Variants in MCTP1 observed in about 807,000 individuals in gnomAD.
The protein encoded by MCTP1 is multiple C2 and transmembrane domain-containing protein 1.
In MCTP1, 69 loss-of-function variants were observed where a neutral mutation model predicts 120.6. That is an observed-to-expected ratio of 0.57 (90% CI 0.47 to 0.70). The LOEUF (loss-of-function observed/expected upper bound fraction) is 0.70. MCTP1 is among the 30% of genes least tolerant of loss of function. The pLI is 0.00. For missense variants in MCTP1, 1,203 were observed against 1,248.8 expected (o/e 0.96, Z 0.55); for synonymous variants, 529 against 493.1 (o/e 1.07, Z -0.96).
intron 1 of MCTP1, among the ~76,000 whole-genome samples, chr5:95,099,019 G>A (rs1318681039): frequency 6.6e-6 from 1 of 151,766 alleles, no homozygotes; most frequent in Non-Finnish European, 1.5e-5. Flanking sequence ...CAAGCAATGG[G>A]GAAAGGATTC....
At chr5:94,819,832 C>T (rs537859717) in intron 17 of MCTP1, among the ~76,000 whole-genome samples, 8 of 152,148 alleles carry the variant, frequency 5.3e-5, no homozygotes, top group Non-Finnish European at 1.2e-4. Context: ...ACAAACAATA[C>T]GTTTTCAGAT....
intron 1 of MCTP1, among the ~76,000 whole-genome samples, chr5:95,103,459 G>A (rs72779439): frequency 0.051 from 7,789 of 152,254 alleles, 222 homozygotes; most frequent in Middle Eastern, 0.075. Flanking sequence ...GGATAGGACT[G>A]TGATAGATGA....
chr5:95,097,698 G>A (rs2152357419), intron 1 of MCTP1, among the ~76,000 whole-genome samples: 1 of 152,310 alleles, frequency 6.6e-6, no homozygotes, highest in East Asian at 1.9e-4. Context: ...CACCTGTCAA[G>A]AGCTTGTTCC....
intron 8 of MCTP1, 56 bp downstream of exon 8, chr5:94,917,840 A>G: frequency 7.0e-7 from 1 of 1,432,816 alleles, no homozygotes; most frequent in South Asian, 1.2e-5. Flanking sequence ...GGCTCTCAGA[A>G]ATCCCAGCTC....
At chr5:95,187,452 T>G (rs1389021523) in intron 1 of MCTP1, among the ~76,000 whole-genome samples, 3 of 152,114 alleles carry the variant, frequency 2.0e-5, no homozygotes, top group African/African-American at 7.2e-5. Context: ...CAGGATGGAG[T>G]GCGGTGGTGT....
At chr5:94,812,982 G>A (rs936250299) in intron 17 of MCTP1, among the ~76,000 whole-genome samples, 1 of 151,092 alleles carries the variant, frequency 6.6e-6, no homozygotes, top group Non-Finnish European at 1.5e-5. Flanking sequence ...TAAAAATTTG[G>A]CCTCATTAAA....
intron 1 of MCTP1, among the ~76,000 whole-genome samples, chr5:95,270,791 G>A (rs1438816577): frequency 6.6e-6 from 1 of 152,178 alleles, no homozygotes; most frequent in Non-Finnish European, 1.5e-5. Context: ...GTAGCCAGGT[G>A]TGATGGCAGG....
At chr5:94,983,669 AT>A (rs1561969091) in intron 2 of MCTP1, among the ~76,000 whole-genome samples, 1 of 7,696 alleles carries the variant, frequency 1.3e-4, no homozygotes, top group Non-Finnish European at 2.8e-4. Context: ...CTGTCTGTCA[AT>A]CTATCTATCT....
At chr5:95,145,292 T>G (rs920553581) in intron 1 of MCTP1, among the ~76,000 whole-genome samples, 1 of 152,176 alleles carries the variant, frequency 6.6e-6, no homozygotes, top group Non-Finnish European at 1.5e-5. Flanking sequence ...CAGGAACATT[T>G]TGGTGCAGTC....
intron 1 of MCTP1, among the ~76,000 whole-genome samples, chr5:95,115,484 T>C (rs563392571): frequency 4.6e-5 from 7 of 151,586 alleles, no homozygotes; most frequent in Non-Finnish European, 8.8e-5. Context: ...AAAATGCAAT[T>C]GGCATACTGA....
At chr5:95,138,125 GTCATGC>G (rs1193503812) in intron 1 of MCTP1, among the ~76,000 whole-genome samples, 1 of 151,590 alleles carries the variant, frequency 6.6e-6, no homozygotes, top group Admixed American at 6.6e-5. Context: ...GTAATTTCAA[GTCATGC>G]TCTTTTCTCA....
intron 1 of MCTP1, among the ~76,000 whole-genome samples, chr5:95,184,004 T>C (rs1748911734): frequency 6.6e-6 from 1 of 151,694 alleles, no homozygotes; most frequent in African/African-American, 2.4e-5. Flanking sequence ...CCGGGGCCTG[T>C]TGGGGGGTGA....
chr5:94,929,546 A>T, intron 6 of MCTP1: 1 of 679,384 alleles, frequency 1.5e-6, no homozygotes, highest in Non-Finnish European at 1.8e-6. Context: ...TTTTAAGAAG[A>T]TTGAAATATT....
intron 17 of MCTP1, among the ~76,000 whole-genome samples, chr5:94,830,298 C>G (rs1232429936): frequency 1.3e-5 from 2 of 152,242 alleles, no homozygotes; most frequent in African/African-American, 4.8e-5. Flanking sequence ...GGCTTCTATA[C>G]ATCACAGTAA....
At chr5:95,102,883 G>A (rs977739785) in intron 1 of MCTP1, among the ~76,000 whole-genome samples, 5 of 152,096 alleles carry the variant, frequency 3.3e-5, no homozygotes, top group Non-Finnish European at 7.4e-5. Flanking sequence ...AACTGGAACC[G>A]GAGTAAGACA....
intron 7 of MCTP1, among the ~76,000 whole-genome samples, chr5:94,920,407 C>T (rs975436792): frequency 6.6e-6 from 1 of 151,678 alleles, no homozygotes; most frequent in Non-Finnish European, 1.5e-5. Flanking sequence ...AGTTGTTTAG[C>T]GTGTAAGTGC....
At chr5:95,202,964 G>A (rs1751238052) in intron 1 of MCTP1, among the ~76,000 whole-genome samples, 1 of 152,034 alleles carries the variant, frequency 6.6e-6, no homozygotes, top group African/African-American at 2.4e-5. Flanking sequence ...CCTGACCTCA[G>A]GTGATCCACC....
At chr5:95,218,230 A>C (rs1753256888) in intron 1 of MCTP1, among the ~76,000 whole-genome samples, 1 of 152,246 alleles carries the variant, frequency 6.6e-6, no homozygotes, top group Non-Finnish European at 1.5e-5. Flanking sequence ...GATGCATGAT[A>C]CAATAGGTTA....
chr5:95,142,660 T>C (rs1426052629), intron 1 of MCTP1, among the ~76,000 whole-genome samples: 1 of 152,110 alleles, frequency 6.6e-6, no homozygotes, highest in Non-Finnish European at 1.5e-5. Context: ...TTTTAAGAAC[T>C]TAATAAAAAC....
Sources: gnomAD v4.1 joint callset for allele counts (sites outside exome capture counted in the v4.1 genomes callset) on GRCh38, gnomAD v4.1.1 for gene constraint, MANE v1.5 for transcripts, NCBI Gene and HGNC (gene_info 2026-07-23, HGNC 2026-07-21) for gene names.